Variants in ABCC2 observed in about 807,000 individuals in gnomAD.
ABCC2 encodes the protein ATP binding cassette subfamily C member 2, also known as ATP-binding cassette sub-family C member 2.
Under a neutral mutation model 173.4 loss-of-function variants are expected in ABCC2, and 157 were observed. The ratio of observed to expected loss-of-function variants is 0.91; its 90% confidence interval spans 0.80 to 1.03. ABCC2 has a LOEUF of 1.03. Among genes scored for constraint, ABCC2 ranks in the 50% least tolerant of loss-of-function variants. ABCC2 has a pLI of 0.00. For synonymous variants in ABCC2, 657 were observed against 693.5 expected (o/e 0.95, Z 0.83); for missense variants, 1,822 against 1,852.3 (o/e 0.98, Z 0.30).
intron 29 of ABCC2, among the ~76,000 whole-genome samples, chr10:99,846,375 C>A (rs996613950): frequency 6.6e-6 from 1 of 152,208 alleles, no homozygotes; most frequent in Non-Finnish European, 1.5e-5. Context: ...GGTGTTTGCT[C>A]AGTTCGATAG....
chr10:99,816,850 AAC>A (rs2038426069), intron 16 of ABCC2, among the ~76,000 whole-genome samples: 1 of 152,134 alleles, frequency 6.6e-6, no homozygotes, highest in Admixed American at 6.6e-5. Context: ...TCTGAGGTGG[AAC>A]AGTTTCATCC....
At position 99,809,388 on chromosome 10, in the gene ABCC2, G is replaced by T. The variant is rs975409768; in HGVS notation, c.1816-746G>T. Among the ~76,000 whole-genome samples the T allele has an allele frequency of 2.6e-5, 4 of 152,142 alleles. No individual in the cohort carries two copies. In the East Asian group the frequency reaches 7.7e-4, roughly 29 times the overall value. Reference sequence around the variant, plus strand: ...AAAACGAATCAAAACAAAAGGGTCAGATGGCGATGCAATGTGAGCAGTGGG... The same window carrying T: ...AAAACGAATCAAAACAAAAGGGTCATATGGCGATGCAATGTGAGCAGTGGG... On this transcript the variant is annotated intron_variant, in intron 13 of 31. Transcript: ENST00000647814.
In ABCC2 at chr10:99,805,594, C is replaced by A. The variant is rs570207998; in HGVS notation, c.1530+147C>A. ...TTTTGTTTCATGTCCTCCTGTCCCT[C>A]TCAGGTCCTCCGTTGAACCCCAATT... On this transcript the variant is annotated intron_variant, in intron 11 of 31. Coordinates refer to ENST00000647814, the MANE Select transcript of ABCC2 (RefSeq NM_000392.5). 3.9e-3 allele frequency: 3,182 copies of A among 813,872 alleles called. 37 individuals carry two copies. The highest frequency in any genetic ancestry group is 0.017 in the South Asian group (1,197 of 72,412). 50.4% of individuals were successfully genotyped at this position (813,872 alleles called of 1,614,324 possible).
At position 99,830,363 on chromosome 10, in the gene ABCC2, G is replaced by A. The variant is rs3740071; in HGVS notation, c.2677G>A (p.Glu893Lys). ...DDYGLISSVE[E>K]IPEDAASITM... ...CTATGGGCTGATATCCAGTGTGGAA[G>A]AGATCCCCGAAGATGCAGCCTCCAT... is the stretch of plus-strand genomic sequence containing the variant. The change falls in exon 20 of 32, where the codon GAG becomes AAG. Residue 893 changes from glutamate to lysine, a missense_variant. By Grantham distance (56) the Glu-to-Lys change is moderately conservative. Transcript: ENST00000647814. 2 of 1,614,212 alleles carry A rather than the reference G, an allele frequency of 1.2e-6. No homozygotes were observed. The highest frequency in any genetic ancestry group is 1.1e-5 in the South Asian group (1 of 91,090).
rs890657675 is a variant in ABCC2 at position 99,812,224 on chromosome 10, G to A, written c.1967+622G>A. Among the ~76,000 whole-genome samples, 4 of 152,162 alleles carry A rather than the reference G, an allele frequency of 2.6e-5. No individual in the cohort carries two copies. In the East Asian group the frequency reaches 7.7e-4, roughly 29 times the overall value. ...TACAGCCTTTAACATGGACTCCAGAGCTAGCCCCAGGATGAGTTGGGGCAG... is the reference window on the plus strand; with the variant it reads ...TACAGCCTTTAACATGGACTCCAGAACTAGCCCCAGGATGAGTTGGGGCAG... On this transcript the variant is annotated intron_variant, in intron 15 of 31. Transcript: ENST00000647814.
intron 6 of ABCC2, 31 bp from the exon 7 acceptor site, chr10:99,797,066 G>A (rs1404262728): frequency 1.3e-6 from 2 of 1,599,484 alleles, no homozygotes; most frequent in African/African-American, 1.3e-5. Flanking sequence ...CCAGCCTGGG[G>A]GTCTCAGCCT....
At chr10:99,817,542 G>A in intron 17 of ABCC2, 58 bp downstream of exon 17, 2 of 1,585,872 alleles carry the variant, frequency 1.3e-6, no homozygotes, top group East Asian at 2.2e-5. Flanking sequence ...GAAAAAGTGA[G>A]GATGGTGGTG....
intron 31 of ABCC2, 118 bp downstream of exon 31, chr10:99,850,914 G>C: frequency 7.9e-7 from 1 of 1,259,994 alleles, no homozygotes; most frequent in Non-Finnish European, 1.1e-6. Context: ...TACTGATGAA[G>C]AAACTGAGAC....
At chr10:99,808,269 TAAAAGCCTTGGAGTCCAG>T in intron 13 of ABCC2, 40 bp downstream of exon 13, 1 of 1,611,898 alleles carries the variant, frequency 6.2e-7, no homozygotes. Flanking sequence ...TGTCTCTGGT[TAAAAGCCTTGGAGTCCAG>T]AATGACTGGC....
chr10:99,792,180 A>G, intron 2 of ABCC2, 54 bp from the exon 3 acceptor site: 1 of 1,611,046 alleles, frequency 6.2e-7, no homozygotes, highest in Non-Finnish European at 8.5e-7. Context: ...ATTCTGTTCT[A>G]AGAGCCTTAT....
At chr10:99,822,941 G>A (rs982406949) in intron 19 of ABCC2, among the ~76,000 whole-genome samples, 17 of 151,868 alleles carry the variant, frequency 1.1e-4, no homozygotes, top group Admixed American at 7.2e-4. Context: ...GATTTTTTCC[G>A]GAACTCCCAT....
At chr10:99,813,305 T>C (rs1246889938) in intron 16 of ABCC2, among the ~76,000 whole-genome samples, 161 bp downstream of exon 16, 2 of 152,224 alleles carry the variant, frequency 1.3e-5, no homozygotes, top group Admixed American at 1.3e-4. Context: ...CAGCTTTATA[T>C]AATCAGTTGC....
At chr10:99,803,566 T>G (rs1377865715) in intron 9 of ABCC2, among the ~76,000 whole-genome samples, 2 of 152,146 alleles carry the variant, frequency 1.3e-5, no homozygotes, top group African/African-American at 4.8e-5. Flanking sequence ...AATAGACAGA[T>G]GTTGCCCTCA....
chr10:99,808,053 A>C, intron 12 of ABCC2, 30 bp from the exon 13 acceptor site: 3 of 1,613,288 alleles, frequency 1.9e-6, no homozygotes, highest in Non-Finnish European at 2.5e-6. Flanking sequence ...CCTTTTAGGA[A>C]TAAATTGCTC....
chr10:99,787,360 TC>T (rs2037732434), intron 2 of ABCC2, among the ~76,000 whole-genome samples: 3 of 152,202 alleles, frequency 2.0e-5, no homozygotes, highest in Admixed American at 2.0e-4. Context: ...ATAATATGGT[TC>T]TTTTTTGATT....
intron 1 of ABCC2, among the ~76,000 whole-genome samples, chr10:99,783,404 G>A (rs1254175727): frequency 2.0e-5 from 3 of 152,116 alleles, no homozygotes; most frequent in South Asian, 4.1e-4. Flanking sequence ...GAAAAGAAGA[G>A]ACACCACTTA....
At chr10:99,829,391 G>T (rs1369360512) in intron 19 of ABCC2, among the ~76,000 whole-genome samples, 1 of 152,158 alleles carries the variant, frequency 6.6e-6, no homozygotes, top group Non-Finnish European at 1.5e-5. Context: ...AAACACAAAT[G>T]CTCCTGGGAT....
chr10:99,830,252 A>G (rs2038714288), intron 19 of ABCC2, 55 bp from the exon 20 acceptor site: 1 of 1,611,880 alleles, frequency 6.2e-7, no homozygotes, highest in African/African-American at 1.3e-5. Flanking sequence ...CCTTGTTCAT[A>G]GGACTGACAG....
At chr10:99,837,137 C>CTTTTT (rs34959207) in intron 25 of ABCC2, among the ~76,000 whole-genome samples, 23 of 104,692 alleles carry the variant, frequency 2.2e-4, no homozygotes, top group African/African-American at 7.8e-4. Context: ...TGAGAAAGTC[C>CTTTTT]TTTTTTTTTT....
Sources: gnomAD v4.1 joint callset for allele counts (sites outside exome capture counted in the v4.1 genomes callset) on GRCh38, gnomAD v4.1.1 for gene constraint, MANE v1.5 for transcripts, NCBI Gene and HGNC (gene_info 2026-07-23, HGNC 2026-07-21) for gene names.